Variants in KDM4B observed in about 807,000 individuals in gnomAD.
KDM4B encodes the protein lysine demethylase 4B, also known as lysine-specific demethylase 4B.
Under a neutral mutation model 125.2 loss-of-function variants are expected in KDM4B, and 32 were observed. The observed-to-expected ratio is 0.26, with a 90% CI of 0.19 to 0.34. KDM4B has a LOEUF of 0.34. Among genes scored for constraint, KDM4B ranks in the 10% least tolerant of loss-of-function variants. KDM4B has a pLI of 1.00. For missense variants in KDM4B, 1,190 were observed against 1,577.7 expected (o/e 0.75, Z 4.16); for synonymous variants, 721 against 677.9 (o/e 1.06, Z -0.99).
intron 1 of KDM4B, among the ~76,000 whole-genome samples, chr19:4,989,867 G>A (rs549741304): frequency 1.2e-4 from 18 of 152,044 alleles, no homozygotes; most frequent in Non-Finnish European, 1.8e-4. Flanking sequence ...TCACCAGGCT[G>A]GTCTTGAACT....
intron 4 of KDM4B, among the ~76,000 whole-genome samples, chr19:5,040,503 T>C (rs1471022883): frequency 6.6e-6 from 1 of 152,140 alleles, no homozygotes; most frequent in Non-Finnish European, 1.5e-5. Context: ...ACACACAGGC[T>C]CATGCACAGG....
chr19:5,036,343 G>A (rs574722751), intron 3 of KDM4B, among the ~76,000 whole-genome samples: 12 of 152,350 alleles, frequency 7.9e-5, no homozygotes, highest in East Asian at 7.7e-4. Context: ...CGGGAGCTGC[G>A]GGCACAGCCC....
intron 21 of KDM4B, among the ~76,000 whole-genome samples, chr19:5,146,765 C>CCG (rs1022273388): frequency 7.3e-6 from 1 of 136,826 alleles, no homozygotes; most frequent in Non-Finnish European, 1.6e-5. Context: ...CCCCCCCCCC[C>CCG]ACAATCTCTA....
At chr19:5,127,785 A>G (rs974511544) in intron 11 of KDM4B, among the ~76,000 whole-genome samples, 2 of 152,068 alleles carry the variant, frequency 1.3e-5, no homozygotes, top group African/African-American at 4.8e-5. Context: ...CTAGGGGACG[A>G]TGGTGGCCTC....
At chr19:5,089,055 G>A (rs2038603016) in intron 9 of KDM4B, among the ~76,000 whole-genome samples, 1 of 152,176 alleles carries the variant, frequency 6.6e-6, no homozygotes, top group Non-Finnish European at 1.5e-5. Flanking sequence ...GCTGGAGGGT[G>A]ACAACGGATG....
At chr19:5,128,240 C>A (rs1185606124) in intron 11 of KDM4B, among the ~76,000 whole-genome samples, 3 of 152,148 alleles carry the variant, frequency 2.0e-5, no homozygotes, top group Non-Finnish European at 4.4e-5. Flanking sequence ...TGAGTGTTTC[C>A]TCCTCGCCTC....
intron 1 of KDM4B, among the ~76,000 whole-genome samples, chr19:4,974,983 C>T (rs1420811970): frequency 2.0e-5 from 3 of 152,070 alleles, no homozygotes; most frequent in Admixed American, 6.5e-5. Flanking sequence ...CCTTCCCTGC[C>T]GCAGGACCTG....
At chr19:5,065,516 C>T (rs2037740284) in intron 6 of KDM4B, among the ~76,000 whole-genome samples, 1 of 152,194 alleles carries the variant, frequency 6.6e-6, no homozygotes, top group Non-Finnish European at 1.5e-5. Flanking sequence ...CATTTGCTGG[C>T]TTTTATAGTC....
chr19:5,021,534 C>G (rs1285963404), intron 2 of KDM4B, among the ~76,000 whole-genome samples: 1 of 152,028 alleles, frequency 6.6e-6, no homozygotes, highest in Non-Finnish European at 1.5e-5. Flanking sequence ...GATTGTGCCA[C>G]CGCACTCCAG....
chr19:5,135,997 G>T (rs2039642215), intron 15 of KDM4B, among the ~76,000 whole-genome samples: 1 of 152,232 alleles, frequency 6.6e-6, no homozygotes, highest in Admixed American at 6.5e-5. Flanking sequence ...CAAGAAATGG[G>T]CCAGGCACCC....
At chr19:5,003,826 T>C (rs1052077144) in intron 1 of KDM4B, among the ~76,000 whole-genome samples, 9 of 152,044 alleles carry the variant, frequency 5.9e-5, no homozygotes, top group African/African-American at 2.2e-4. Context: ...AGGTCCCTGC[T>C]TACCCCACTG....
intron 8 of KDM4B, among the ~76,000 whole-genome samples, chr19:5,079,531 A>G (rs1244522321): frequency 3.3e-5 from 5 of 151,982 alleles, no homozygotes; most frequent in East Asian, 1.9e-4. Flanking sequence ...CCCCCATTCA[A>G]TCTTGGCATT....
intron 18 of KDM4B, among the ~76,000 whole-genome samples, chr19:5,143,136 G>A (rs1352488198): frequency 6.6e-6 from 1 of 152,080 alleles, no homozygotes; most frequent in East Asian, 1.9e-4. Context: ...GAGCAGCCTG[G>A]ACAATATAGC....
At chr19:5,119,098 C>A in intron 10 of KDM4B, 1 of 1,474,324 alleles carries the variant, frequency 6.8e-7, no homozygotes, top group Non-Finnish European at 9.2e-7. Flanking sequence ...GAGAAAAAAC[C>A]CGTGAAATTT....
intron 5 of KDM4B, among the ~76,000 whole-genome samples, chr19:5,046,167 G>T (rs535809209): frequency 2.0e-5 from 3 of 152,218 alleles, no homozygotes; most frequent in Admixed American, 6.5e-5. Context: ...CTCTGCAGCC[G>T]CACGCAGGCT....
At chr19:5,120,170 CT>C (rs1220926390) in intron 11 of KDM4B, among the ~76,000 whole-genome samples, 2 of 152,130 alleles carry the variant, frequency 1.3e-5, no homozygotes, top group African/African-American at 4.8e-5. Context: ...CCTGTCTCTA[CT>C]TATGATATAA....
intron 9 of KDM4B, among the ~76,000 whole-genome samples, chr19:5,107,155 C>G (rs556151230): frequency 2.9e-4 from 44 of 152,362 alleles, no homozygotes; most frequent in African/African-American, 1.1e-3. Context: ...GCTTCCCCGG[C>G]AGCTCTCAGG....
At chr19:5,124,912 T>C (rs1474491787) in intron 11 of KDM4B, among the ~76,000 whole-genome samples, 8 of 150,452 alleles carry the variant, frequency 5.3e-5, no homozygotes, top group Non-Finnish European at 1.2e-4. Context: ...TCTTTTCTTT[T>C]TTTTTGAAAC....
intron 1 of KDM4B, among the ~76,000 whole-genome samples, chr19:5,016,029 C>T (rs970873174): frequency 9.2e-5 from 14 of 152,250 alleles, no homozygotes; most frequent in Admixed American, 3.3e-4. Flanking sequence ...TGCCTTGGCC[C>T]GTAGATTTTA....
Sources: gnomAD v4.1 joint callset for allele counts (sites outside exome capture counted in the v4.1 genomes callset) on GRCh38, gnomAD v4.1.1 for gene constraint, MANE v1.5 for transcripts, NCBI Gene and HGNC (gene_info 2026-07-23, HGNC 2026-07-21) for gene names.